CCDC122: variants seen among roughly 807,000 people sequenced by gnomAD.
CCDC122 encodes coiled-coil domain-containing protein 122.
Under a neutral mutation model 37.0 loss-of-function variants are expected in CCDC122, and 38 were observed. The observed-to-expected ratio is 1.03, with a 90% CI of 0.79 to 1.35. The LOEUF (loss-of-function observed/expected upper bound fraction) is 1.35, where lower values mean the gene tolerates loss of function less well. Among genes scored for constraint, CCDC122 ranks in the 40% most tolerant of loss-of-function variants. The pLI, the probability that CCDC122 is intolerant of heterozygous loss-of-function variation, is 0.00. For missense variants in CCDC122, 305 were observed against 310.0 expected (o/e 0.98, Z 0.12); for synonymous variants, 83 against 95.6 (o/e 0.87, Z 0.77).
chr13:43,870,280 T>C (rs547796875), intron 2 of CCDC122, among the ~76,000 whole-genome samples: 1 of 152,186 alleles, frequency 6.6e-6, no homozygotes, highest in East Asian at 1.9e-4. Context: ...TTCCTTCAAA[T>C]CTCACTTCAA....
At chr13:43,869,603 C>A in intron 2 of CCDC122, 114 bp from the exon 3 acceptor site, 1 of 474,168 alleles carries the variant, frequency 2.1e-6, no homozygotes, top group Non-Finnish European at 3.7e-6. Flanking sequence ...AGTAGAACTG[C>A]ATTTGTATTT....
At chr13:43,876,369 T>C (rs1954611542) in intron 1 of CCDC122, among the ~76,000 whole-genome samples, 1 of 152,216 alleles carries the variant, frequency 6.6e-6, no homozygotes, top group African/African-American at 2.4e-5. Context: ...AAGATTTACA[T>C]AGCATTATAA....
chr13:43,851,119 G>A (rs748723225), intron 6 of CCDC122, among the ~76,000 whole-genome samples: 1 of 151,896 alleles, frequency 6.6e-6, no homozygotes, highest in Non-Finnish European at 1.5e-5. Flanking sequence ...TAGGAATGAA[G>A]GAGAAATCAA....
At chr13:43,835,994 G>T (rs1018444684), downstream of CCDC122, among the ~76,000 whole-genome samples, 1 of 152,136 alleles carries the variant, frequency 6.6e-6, no homozygotes, top group East Asian at 1.9e-4. Context: ...AACTATTACT[G>T]TTAGACATAA....
At chr13:43,857,918 AT>A (rs1953975944) in intron 6 of CCDC122, among the ~76,000 whole-genome samples, 1 of 152,126 alleles carries the variant, frequency 6.6e-6, no homozygotes, top group Non-Finnish European at 1.5e-5. Context: ...TAAAGAAAAA[AT>A]AATAATAATA....
chr13:43,845,395 T>C (rs1953484683), intron 6 of CCDC122, among the ~76,000 whole-genome samples: 1 of 152,182 alleles, frequency 6.6e-6, no homozygotes, highest in South Asian at 2.1e-4. Flanking sequence ...TCCTTTCCAG[T>C]ATCATTTCCT....
chr13:43,824,474 A>G (rs566650264), intron 3 of CCDC122, among the ~76,000 whole-genome samples: 1 of 152,310 alleles, frequency 6.6e-6, no homozygotes, highest in South Asian at 2.1e-4. Flanking sequence ...CCTAAAAAAT[A>G]CTTTTGTGGA....
chr13:43,832,734 T>C (rs1953101734), downstream of CCDC122, among the ~76,000 whole-genome samples: 4 of 152,210 alleles, frequency 2.6e-5, no homozygotes, highest in Admixed American at 2.6e-4. Context: ...CATTTTCTTG[T>C]AGTTCCATGT....
intron 6 of CCDC122, chr13:43,855,349 CCCATT>C (rs1953869350): frequency 1.4e-5 from 2 of 138,524 alleles, no homozygotes; most frequent in South Asian, 5.0e-4. Context: ...TGAGTCAAAT[CCCATT>C]CACAGTTGCC....
chr13:43,860,930 T>C (rs1954082262), intron 4 of CCDC122, among the ~76,000 whole-genome samples: 1 of 152,222 alleles, frequency 6.6e-6, no homozygotes, highest in Non-Finnish European at 1.5e-5. Flanking sequence ...GTATCAATTA[T>C]CTGTTGCCAG....
intron 4 of CCDC122, among the ~76,000 whole-genome samples, chr13:43,861,206 T>C (rs1313223867): frequency 1.3e-5 from 2 of 152,198 alleles, no homozygotes; most frequent in Non-Finnish European, 2.9e-5. Flanking sequence ...CCCAGGCATG[T>C]CTTATGATAA....
chr13:43,876,300 A>G (rs929750837), intron 1 of CCDC122, among the ~76,000 whole-genome samples: 12 of 152,244 alleles, frequency 7.9e-5, no homozygotes, highest in African/African-American at 2.9e-4. Context: ...CATAAACCTT[A>G]GTGTAAATGG....
chr13:43,836,324 CTTTAA>C (rs1190810764), downstream of CCDC122: 5 of 152,044 alleles, frequency 3.3e-5, no homozygotes, highest in Admixed American at 1.3e-4. Context: ...GATGTTATAA[CTTTAA>C]TTTAGTCACA....
intron 2 of CCDC122, among the ~76,000 whole-genome samples, chr13:43,874,530 T>A (rs1243079062): frequency 6.6e-6 from 1 of 152,220 alleles, no homozygotes; most frequent in Admixed American, 6.5e-5. Context: ...TAACTAGTAC[T>A]TCTTGATCTC....
intron 4 of CCDC122, among the ~76,000 whole-genome samples, chr13:43,865,452 T>C (rs769914122): frequency 6.6e-6 from 1 of 152,320 alleles, no homozygotes; most frequent in East Asian, 1.9e-4. Context: ...CTGAACTCTA[T>C]ATACACTATG....
chr13:43,846,850 A>G (rs1174994316), intron 6 of CCDC122, among the ~76,000 whole-genome samples: 1 of 150,558 alleles, frequency 6.6e-6, no homozygotes, highest in Non-Finnish European at 1.5e-5. Context: ...TACTCAACCA[A>G]CCTCATGAAG....
chr13:43,834,579 C>T (rs1286668738), downstream of CCDC122, among the ~76,000 whole-genome samples: 2 of 152,168 alleles, frequency 1.3e-5, no homozygotes, highest in Admixed American at 1.3e-4. Context: ...GGGCTAATAT[C>T]CAGAATCTAC....
At chr13:43,856,150 A>G (rs959111373) in intron 6 of CCDC122, 1 of 152,210 alleles carries the variant, frequency 6.6e-6, no homozygotes, top group African/African-American at 2.4e-5. Context: ...AGTGGGAGCT[A>G]AATGATGAGA....
chr13:43,832,873 T>G (rs952239314), downstream of CCDC122, among the ~76,000 whole-genome samples: 1 of 152,190 alleles, frequency 6.6e-6, no homozygotes, highest in African/African-American at 2.4e-5. Flanking sequence ...TGCTTTAGAC[T>G]ATTATTTTGA....
Sources: allele counts gnomAD v4.1 joint callset (sites outside exome capture counted in the v4.1 genomes callset), GRCh38; gene constraint gnomAD v4.1.1; transcripts MANE v1.5; gene names NCBI Gene and HGNC (gene_info 2026-07-23, HGNC 2026-07-21).